RXRA: variants seen among roughly 807,000 people sequenced by gnomAD.
RXRA encodes retinoic acid receptor RXR-alpha.
In RXRA, 5 loss-of-function variants were observed where a neutral mutation model predicts 44.5. That is an observed-to-expected ratio of 0.11 (90% CI 0.06 to 0.24). The LOEUF (loss-of-function observed/expected upper bound fraction) is 0.24, where lower values mean the gene tolerates loss of function less well. Among genes scored for constraint, RXRA ranks in the 10% least tolerant of loss-of-function variants. The pLI is 1.00. For missense variants in RXRA, 412 were observed against 646.5 expected, an observed-to-expected ratio of 0.64 and a Z score of 3.93; for synonymous variants, 291 against 271.4, an observed-to-expected ratio of 1.07 and a Z score of -0.71.
chr9:134,401,467 G>A, intron 1 of RXRA, 165 bp from the exon 2 acceptor site: 1 of 1,056,436 alleles, frequency 9.5e-7, no homozygotes, highest in Non-Finnish European at 1.4e-6. Flanking sequence ...CTGGCCCGTA[G>A]TGAGTGTGAA....
intron 5 of RXRA, among the ~76,000 whole-genome samples, chr9:134,421,176 A>T (rs1356263706): frequency 6.6e-6 from 1 of 152,212 alleles, no homozygotes; most frequent in Non-Finnish European, 1.5e-5. Flanking sequence ...ACATTTTATT[A>T]TATGACTGTT....
intron 1 of RXRA, among the ~76,000 whole-genome samples, chr9:134,393,143 C>A (rs1038651353): frequency 6.6e-6 from 1 of 152,130 alleles, no homozygotes; most frequent in Non-Finnish European, 1.5e-5. Flanking sequence ...AAGTGCAGGG[C>A]GAGCTGGGCA....
chr9:134,424,618 C>G, intron 6 of RXRA: 1 of 985,464 alleles, frequency 1.0e-6, no homozygotes, highest in Non-Finnish European at 1.2e-6. Flanking sequence ...CAGCAGCTCA[C>G]CCATCAGGTG....
At chr9:134,397,186 C>T (rs571968573) in intron 1 of RXRA, among the ~76,000 whole-genome samples, 2 of 152,352 alleles carry the variant, frequency 1.3e-5, no homozygotes, top group South Asian at 4.1e-4. Context: ...CCTCTTCCAG[C>T]AGACCCTCTG....
rs142309198 is a variant in RXRA at position 134,373,750 on chromosome 9, C to G, written c.29-27882C>G. Among the ~76,000 whole-genome samples, 70 of 152,340 alleles carry G rather than the reference C, an allele frequency of 4.6e-4. 1 individual carries two copies. The East Asian group carries it at 0.012, about 27-fold the overall frequency. ...TCCTCCACCTTGCCACATTACCAGC[C>G]GATAGCCAGGTTCCTGGAAAAGGCT... On this transcript the variant is annotated intron_variant, in intron 1 of 9. Coordinates refer to ENST00000481739, the MANE Select transcript of RXRA (RefSeq NM_002957.6).
rs928667645 is a variant in RXRA, at chr9:134,414,024, C to T, written c.611-3134C>T. On this transcript the variant is annotated intron_variant, in intron 4 of 9. Transcript: ENST00000481739. ...CAGACACCTCCCGCCCGGCCTCCGG[C>T]GCCAGCGGAACATGAGTCAAGCATG... Among the ~76,000 whole-genome samples the T allele has an allele frequency of 8.7e-4, 132 of 152,210 alleles. 6 individuals are homozygous for T. Among genetic ancestry groups the T allele is most frequent in the Non-Finnish European group, 5.9e-5 (4 of 68,030 alleles).
At position 134,343,982 on chromosome 9, in the gene RXRA, T is replaced by C. The variant is rs181778524; in HGVS notation, c.28+17323T>C. Among the ~76,000 whole-genome samples, 13 of 151,980 alleles carry C rather than the reference T, an allele frequency of 8.6e-5. No homozygotes were observed. In the East Asian group the frequency reaches 2.5e-3, roughly 30 times the overall value. On this transcript the variant is annotated intron_variant, in intron 1 of 9. Transcript: ENST00000481739. The surrounding 1 kb of genome is among the most constrained non-coding windows in gnomAD (Gnocchi z 4.1). ...CCCCACAGGATGCAGCCCTTCCTCA[T>C]GGGGCCTGGTCCTGCTGAGGTTCCC...
At position 134,331,486 on chromosome 9, in the gene RXRA, G is replaced by A. The variant is rs189119796; in HGVS notation, c.28+4827G>A. On this transcript the variant is annotated intron_variant, in intron 1 of 9. Coordinates refer to ENST00000481739, the MANE Select transcript of RXRA (RefSeq NM_002957.6). Reference sequence around the variant, plus strand: ...ACCTGGCGCTGTTGGCCGCTGGCCCGTGTCCTGGCGTGCCCGTGAGTGAGC... The same window carrying A: ...ACCTGGCGCTGTTGGCCGCTGGCCCATGTCCTGGCGTGCCCGTGAGTGAGC... 9.1e-3 allele frequency among the ~76,000 whole-genome samples: 1,393 copies of A among 152,330 alleles called. 8 individuals are homozygous for A. The highest frequency in any genetic ancestry group is 0.015 in the Non-Finnish European group (1,011 of 68,034).
intron 1 of RXRA, among the ~76,000 whole-genome samples, chr9:134,390,010 G>C (rs1434659958): frequency 6.6e-6 from 1 of 152,204 alleles, no homozygotes; most frequent in Non-Finnish European, 1.5e-5. Context: ...GCCGATTGGT[G>C]GGATTGGGAG....
chr9:134,354,405 C>T (rs913517312), intron 1 of RXRA, among the ~76,000 whole-genome samples: 1 of 152,184 alleles, frequency 6.6e-6, no homozygotes, highest in African/African-American at 2.4e-5. Context: ...AGGAGGTGGT[C>T]GGTGCGTGTG....
chr9:134,340,715 G>A (rs1830076162), intron 1 of RXRA, among the ~76,000 whole-genome samples: 1 of 152,212 alleles, frequency 6.6e-6, no homozygotes, highest in South Asian at 2.1e-4. Flanking sequence ...AGGCTGAGCA[G>A]GTAGATTGGA....
chr9:134,350,522 A>G (rs1450438296), intron 1 of RXRA, among the ~76,000 whole-genome samples: 1 of 152,132 alleles, frequency 6.6e-6, no homozygotes, highest in African/African-American at 2.4e-5. Flanking sequence ...GTTTCCGGCT[A>G]GTGTCTTCCT....
chr9:134,385,783 C>G lies in RXRA; in HGVS notation c.29-15849C>G, dbSNP rs555032172. On this transcript the variant is annotated intron_variant, in intron 1 of 9. Coordinates refer to ENST00000481739, the MANE Select transcript of RXRA (RefSeq NM_002957.6). ...GTTGGGGCGGCTGTTGCCATCGCCC[C>G]CCAGCACGCAGATGGGGAATGGGCC... 5.3e-5 allele frequency among the ~76,000 whole-genome samples: 8 copies of G among 152,372 alleles called. 1 individual carries two copies. In the South Asian group the frequency reaches 1.7e-3, roughly 32 times the overall value.
intron 1 of RXRA, among the ~76,000 whole-genome samples, chr9:134,397,166 G>A (rs536513267): frequency 6.6e-6 from 1 of 152,222 alleles, no homozygotes; most frequent in Non-Finnish European, 1.5e-5. Context: ...GGTCAACAGG[G>A]TGTCCCTTCC....
chr9:134,394,456 G>A (rs990538614), intron 1 of RXRA, among the ~76,000 whole-genome samples: 4 of 152,156 alleles, frequency 2.6e-5, no homozygotes, highest in African/African-American at 9.7e-5. Flanking sequence ...AAGACTGAAG[G>A]GTGTTTGGTT....
intron 1 of RXRA, among the ~76,000 whole-genome samples, chr9:134,358,203 T>C (rs374985118): frequency 7.5e-4 from 114 of 152,252 alleles, no homozygotes; most frequent in African/African-American, 2.7e-3. Context: ...AAACACCGAG[T>C]TCTGCCTGCA....
At chr9:134,382,017 C>T (rs1332272056) in intron 1 of RXRA, among the ~76,000 whole-genome samples, 6 of 152,164 alleles carry the variant, frequency 3.9e-5, no homozygotes, top group Non-Finnish European at 7.4e-5. Context: ...CTCCTTCTGT[C>T]CCTGGACCCA....
Position 134,436,464 on chromosome 9 carries a change from C to A in RXRA, c.1242-3C>A. ...CGGCCCTCACCAGACCTGTTCCCTG[C>A]AGGTTCGCTAAGCTCTTGCTCCGCC... On this transcript the variant is annotated splice_polypyrimidine_tract_variant and splice_region_variant and intron_variant, in intron 9 of 9. Coordinates refer to ENST00000481739, the MANE Select transcript of RXRA (RefSeq NM_002957.6). The A allele has an allele frequency of 1.9e-6, 3 of 1,613,734 alleles. No individual in the cohort carries two copies. Among genetic ancestry groups the A allele is most frequent in the Non-Finnish European group, 2.5e-6 (3 of 1,179,906 alleles).
At chr9:134,384,369 C>T (rs1023102289) in intron 1 of RXRA, among the ~76,000 whole-genome samples, 3 of 152,232 alleles carry the variant, frequency 2.0e-5, no homozygotes, top group East Asian at 1.9e-4. Context: ...ATGGCTGGGC[C>T]GGTGGTGCAG....
Sources: allele counts gnomAD v4.1 joint callset (sites outside exome capture counted in the v4.1 genomes callset), GRCh38; gene constraint gnomAD v4.1.1; non-coding constraint Gnocchi (gnomAD v3.1); transcripts MANE v1.5; gene names NCBI Gene and HGNC (gene_info 2026-07-23, HGNC 2026-07-21).